The following FOLH1 variants were observed in gnomAD, a reference collection of about 807,000 sequenced individuals.
FOLH1 encodes the protein folate hydrolase 1, also known as glutamate carboxypeptidase 2.
FOLH1 carries 54 observed loss-of-function variants against 93.9 expected under a neutral mutation model. The ratio of observed to expected loss-of-function variants is 0.57; its 90% CI spans 0.46 to 0.72. FOLH1 has a LOEUF of 0.72. FOLH1 is among the 30% of genes least tolerant of loss of function. The probability of loss-of-function intolerance (pLI) is 0.00; values close to 1 mark genes in which losing one functional copy is unlikely to be tolerated. For missense variants in FOLH1, 571 were observed against 892.5 expected, an observed-to-expected ratio of 0.64 and a Z score of 4.59; for synonymous variants, 249 against 303.6, an observed-to-expected ratio of 0.82 and a Z score of 1.87.
At chr11:49,153,733 A>C (rs1438976287) in intron 17 of FOLH1, 113 bp downstream of exon 17, 1 of 748,548 alleles carries the variant, frequency 1.3e-6, no homozygotes, top group African/African-American at 1.8e-5. Flanking sequence ...TTTAAAAAAA[A>C]GAAAACAGCA....
chr11:49,148,509 T>C (rs1251550490), intron 18 of FOLH1, 130 bp downstream of exon 18: 5 of 634,074 alleles, frequency 7.9e-6, no homozygotes, highest in Non-Finnish European at 1.3e-5. Flanking sequence ...TATCACTTAC[T>C]ACATATATTT....
intron 13 of FOLH1, among the ~76,000 whole-genome samples, chr11:49,162,185 G>C (rs1347060926): frequency 1.3e-5 from 2 of 151,876 alleles, no homozygotes; most frequent in Admixed American, 1.3e-4. Flanking sequence ...AGCTATGTTG[G>C]GAAAGTTCTC....
At chr11:49,175,324 C>A (rs978015757) in intron 8 of FOLH1, among the ~76,000 whole-genome samples, 6 of 152,020 alleles carry the variant, frequency 3.9e-5, no homozygotes, top group African/African-American at 7.3e-5. Flanking sequence ...ATAAATAATT[C>A]TCTTTGGAAC....
chr11:49,160,649 T>A (rs1287240151), intron 13 of FOLH1, among the ~76,000 whole-genome samples: 2 of 152,002 alleles, frequency 1.3e-5, no homozygotes, highest in South Asian at 2.1e-4. Context: ...TCACTGTGTT[T>A]GCCAGGATGG....
intron 13 of FOLH1, among the ~76,000 whole-genome samples, chr11:49,158,554 T>C (rs1590445734): frequency 6.6e-6 from 1 of 152,292 alleles, no homozygotes. Context: ...TGTAGCCTCA[T>C]AGTATAGTTT....
In FOLH1 at chr11:49,154,360, C is replaced by G. The variant is rs1348734534; in HGVS notation, c.1756G>C (p.Glu586Gln). 1.9e-6 allele frequency: 3 copies of G among 1,613,430 alleles called. No individual in the cohort carries two copies. Among genetic ancestry groups the G allele is most frequent in the Non-Finnish European group, 1.7e-6 (2 of 1,179,672 alleles). ...GGGAGCACTATGGAATTGGCTAGCT[C>G]AAACACCATCCCTCCTCGAACCTGG... ...VAQVRGGMVF[E>Q]LANSIVLPFD... is the part of the protein sequence containing the mutation. Residue 586 changes from glutamate (E) to glutamine (Q), a missense_variant, in exon 16 of 19, where the codon GAG (glutamate) becomes CAG (glutamine). Around this residue, in one of 2 missense-constraint regions of FOLH1, gnomAD observed 500 missense variants for 822.9 expected, o/e 0.61. Coordinates refer to ENST00000256999, the MANE Select transcript of FOLH1 (RefSeq NM_004476.3).
At chr11:49,187,867 A>AG (rs1373321547) in intron 4 of FOLH1, among the ~76,000 whole-genome samples, 1 of 152,180 alleles carries the variant, frequency 6.6e-6, no homozygotes, top group Non-Finnish European at 1.5e-5. Context: ...GATTGATGTG[A>AG]GGGTACAGAG....
intron 7 of FOLH1, 45 bp from the exon 8 acceptor site, chr11:49,176,002 A>C: frequency 6.4e-7 from 1 of 1,564,638 alleles, no homozygotes; most frequent in Non-Finnish European, 8.8e-7. Flanking sequence ...AAAACCTTGA[A>C]GTAACGCATT....
chr11:49,188,060 T>C (rs1238452530), intron 4 of FOLH1, among the ~76,000 whole-genome samples: 1 of 152,248 alleles, frequency 6.6e-6, no homozygotes, highest in Non-Finnish European at 1.5e-5. Flanking sequence ...ACTAGCATTC[T>C]AAATTTCAAT....
intron 4 of FOLH1, among the ~76,000 whole-genome samples, chr11:49,189,425 C>G (rs1156378977): frequency 1.3e-5 from 2 of 152,118 alleles, no homozygotes; most frequent in Non-Finnish European, 2.9e-5. Flanking sequence ...ATTAATTTGA[C>G]AAATTGGTGA....
chr11:49,182,565 C>T (rs644754), intron 7 of FOLH1, among the ~76,000 whole-genome samples: 48,446 of 151,348 alleles, frequency 0.32, 8,854 homozygotes, highest in African/African-American at 0.52. Context: ...AAGAGGAATA[C>T]ATGAGTAAGA....
intron 13 of FOLH1, among the ~76,000 whole-genome samples, chr11:49,160,461 G>C (rs973785387): frequency 1.3e-5 from 2 of 149,436 alleles, no homozygotes; most frequent in African/African-American, 4.9e-5. Flanking sequence ...CTTTTTTTTT[G>C]AGACGGAGTC....
At chr11:49,176,457 AT>A (rs1860052182) in intron 7 of FOLH1, among the ~76,000 whole-genome samples, 1 of 152,216 alleles carries the variant, frequency 6.6e-6, no homozygotes, top group South Asian at 2.1e-4. Flanking sequence ...ATTTTTTAAA[AT>A]TCAGAAATAA....
In FOLH1 at chr11:49,146,191, T is replaced by C. The variant is rs1341096024; in HGVS notation, c.*565A>G. 6.6e-6 allele frequency among the ~76,000 whole-genome samples: 1 copy of C among 152,236 alleles called. No homozygotes were observed. The highest frequency in any genetic ancestry group is 2.4e-5 in the African/African-American group (1 of 41,472). ...TGGCTATTAGGTTCACAAGTGTTCA[T>C]TTAATTACTATACATATATTTTATA... On this transcript the variant is annotated 3_prime_UTR_variant, in exon 19 of 19. Transcript: ENST00000256999.
At chr11:49,208,206 T>C (rs965615146) in intron 1 of FOLH1, 86 bp downstream of exon 1, 9 of 985,914 alleles carry the variant, frequency 9.1e-6, no homozygotes, top group Non-Finnish European at 1.3e-5. Context: ...AGCAACAGGA[T>C]CCCACTCGGC....
chr11:49,169,850 C>T (rs1030668299), intron 11 of FOLH1, among the ~76,000 whole-genome samples: 1 of 152,100 alleles, frequency 6.6e-6, no homozygotes, highest in Non-Finnish European at 1.5e-5. Flanking sequence ...AATGTGAATT[C>T]TGAGTCTCTA....
At chr11:49,153,734 G>T in intron 17 of FOLH1, 112 bp downstream of exon 17, 1 of 751,654 alleles carries the variant, frequency 1.3e-6, no homozygotes, top group Non-Finnish European at 1.9e-6. Context: ...TTAAAAAAAA[G>T]AAAACAGCAA....
intron 18 of FOLH1, among the ~76,000 whole-genome samples, chr11:49,147,664 C>A (rs1388136852): frequency 6.6e-6 from 1 of 152,090 alleles, no homozygotes; most frequent in African/African-American, 2.4e-5. Flanking sequence ...TAGCTCATGC[C>A]TGTAATCCCA....
At chr11:49,192,450 A>T (rs920382883) in intron 4 of FOLH1, among the ~76,000 whole-genome samples, 2 of 152,244 alleles carry the variant, frequency 1.3e-5, no homozygotes, top group Non-Finnish European at 2.9e-5. Flanking sequence ...TGGGGTATGT[A>T]GAGTTGATTA....
Sources: gnomAD v4.1 joint callset for allele counts (sites outside exome capture counted in the v4.1 genomes callset) on GRCh38, gnomAD v4.1.1 for gene constraint, gnomAD v4.1.1 regional missense constraint, MANE v1.5 for transcripts, NCBI Gene and HGNC (gene_info 2026-07-23, HGNC 2026-07-21) for gene names.